Variants in ZDHHC20 observed in about 807,000 individuals in gnomAD.
ZDHHC20 encodes palmitoyltransferase ZDHHC20.
In ZDHHC20, 43 loss-of-function variants were observed where a neutral mutation model predicts 57.8. The ratio of observed to expected loss-of-function variants is 0.74; its 90% CI spans 0.58 to 0.96. The LOEUF is 0.96. ZDHHC20 is among the 40% of genes least tolerant of loss of function. ZDHHC20 has a pLI of 0.00. For missense variants in ZDHHC20, 391 were observed against 441.1 expected (o/e 0.89, Z 1.02); for synonymous variants, 157 against 153.0 (o/e 1.03, Z -0.19).
intron 1 of ZDHHC20, among the ~76,000 whole-genome samples, chr13:21,430,105 T>C (rs1881738856): frequency 6.6e-6 from 1 of 152,226 alleles, no homozygotes; most frequent in African/African-American, 2.4e-5. Context: ...CTCATTTAGT[T>C]TTCCTGGTTC....
intron 1 of ZDHHC20, among the ~76,000 whole-genome samples, chr13:21,428,014 C>T (rs1881476697): frequency 6.6e-6 from 1 of 152,030 alleles, no homozygotes; most frequent in African/African-American, 2.4e-5. Context: ...CATAGTTCCT[C>T]CTAGGTTTTT....
At chr13:21,423,551 G>A (rs1028322862) in intron 2 of ZDHHC20, among the ~76,000 whole-genome samples, 2 of 152,032 alleles carry the variant, frequency 1.3e-5, no homozygotes, top group African/African-American at 2.4e-5. Flanking sequence ...GTGCACACTT[G>A]TAATCTCAGC....
intron 11 of ZDHHC20, among the ~76,000 whole-genome samples, chr13:21,379,566 G>C (rs1001869947): frequency 6.6e-6 from 1 of 151,974 alleles, no homozygotes; most frequent in Admixed American, 6.6e-5. Context: ...ACAGGTGTGA[G>C]CCACTGTGCC....
intron 3 of ZDHHC20, among the ~76,000 whole-genome samples, chr13:21,419,096 T>C (rs957366532): frequency 2.0e-5 from 3 of 152,210 alleles, no homozygotes; most frequent in Non-Finnish European, 2.9e-5. Context: ...ATGTTTTCAA[T>C]AGTCATCACT....
chr13:21,392,346 C>T (rs1875884130), intron 7 of ZDHHC20, among the ~76,000 whole-genome samples: 2 of 150,266 alleles, frequency 1.3e-5, no homozygotes, highest in Admixed American at 6.6e-5. Context: ...TATAAGCTCC[C>T]CATATCTATA....
chr13:21,406,130 G>A (rs1224866831), intron 4 of ZDHHC20, among the ~76,000 whole-genome samples: 1 of 152,180 alleles, frequency 6.6e-6, no homozygotes, highest in African/African-American at 2.4e-5. Flanking sequence ...CCCCCTGGCA[G>A]CCATAAACCC....
At position 21,413,761 on chromosome 13, in the gene ZDHHC20, G is replaced by T. The variant is rs1483876052; in HGVS notation, c.261C>A (p.Ser87=). The T allele has an allele frequency of 1.9e-6, 3 of 1,608,100 alleles. No individual in the cohort carries two copies. Among genetic ancestry groups the T allele is most frequent in the Non-Finnish European group, 2.5e-6 (3 of 1,177,326 alleles). The change falls in exon 4 of 13, where the codon TCC becomes TCA. Residue 87 remains serine (S), a synonymous_variant. Coordinates refer to ENST00000400590, the MANE Select transcript of ZDHHC20 (RefSeq NM_001330059.2). ...TTTCATAACGTTCCTTTTCAGAATT[G>T]GACAAGTAGAACTATAAAAGGAAAG... ...PASPSKEFYL[S]NSEKERYEKE...
intron 1 of ZDHHC20, among the ~76,000 whole-genome samples, chr13:21,453,027 G>C (rs866302987): frequency 6.6e-6 from 1 of 152,138 alleles, no homozygotes; most frequent in South Asian, 2.1e-4. Context: ...TTAAAAGGCA[G>C]AGATTTTCAG....
intron 8 of ZDHHC20, among the ~76,000 whole-genome samples, chr13:21,390,715 C>G (rs137867391): frequency 6.6e-6 from 1 of 151,920 alleles, no homozygotes; most frequent in Admixed American, 6.6e-5. Context: ...GCCTGGGCAA[C>G]GTAGCAAGAC....
intron 1 of ZDHHC20, among the ~76,000 whole-genome samples, chr13:21,438,027 A>T (rs1489251207): frequency 2.0e-5 from 3 of 152,186 alleles, no homozygotes; most frequent in African/African-American, 7.2e-5. Context: ...GTTGAGACCT[A>T]CTGCTCAGAA....
chr13:21,445,268 C>T (rs9316375), intron 1 of ZDHHC20, among the ~76,000 whole-genome samples: 26,343 of 152,012 alleles, frequency 0.17, 2,746 homozygotes, highest in Non-Finnish European at 0.25. Flanking sequence ...GCAAAACTTA[C>T]AGAGTTACAC....
Position 21,441,546 on chromosome 13 carries a change from C to T in ZDHHC20, c.119-15868G>A, listed in dbSNP as rs868737730. Reference sequence around the variant, plus strand: ...GACTACAGGCGCCCGCCACCACGCCCGGCTTTTTTTTTTTTTTTTTTTTTT... The same window carrying T: ...GACTACAGGCGCCCGCCACCACGCCTGGCTTTTTTTTTTTTTTTTTTTTTT... On this transcript the variant is annotated intron_variant, in intron 1 of 12. Transcript: ENST00000400590. 3.2e-3 allele frequency among the ~76,000 whole-genome samples: 421 copies of T among 133,646 alleles called. 9 individuals are homozygous for T. The highest frequency in any genetic ancestry group is 7.0e-3 in the Admixed American group (84 of 12,030). The allele number at this position is 133,646 out of a possible 152,430, so 87.7% of individuals were successfully genotyped here.
intron 1 of ZDHHC20, among the ~76,000 whole-genome samples, chr13:21,457,749 C>T (rs1166206007): frequency 6.6e-6 from 1 of 152,176 alleles, no homozygotes; most frequent in East Asian, 1.9e-4. Flanking sequence ...TAACCAAATA[C>T]TTGGTTGAAA....
rs1877544523 is a variant in ZDHHC20, at chr13:21,401,001, A to AG, written c.474-509dup. ...TAATTAAAAAAAATAAATTGGGCCG[A>AG]GTGCAGTGGCTCATGCCTGTAATCC... On this transcript the variant is annotated intron_variant, in intron 6 of 12. Transcript: ENST00000400590. Among the ~76,000 whole-genome samples the AG allele has an allele frequency of 5.3e-5, 8 of 152,214 alleles. No individual in the cohort carries two copies. In the South Asian group the frequency reaches 1.7e-3, roughly 32 times the overall value.
intron 12 of ZDHHC20, 41 bp downstream of exon 12, chr13:21,378,620 T>A: frequency 8.8e-7 from 1 of 1,138,440 alleles, no homozygotes; most frequent in Non-Finnish European, 1.2e-6. Context: ...AATATGCAAA[T>A]AAGCTGCATT....
At chr13:21,450,009 T>C (rs1279289356) in intron 1 of ZDHHC20, among the ~76,000 whole-genome samples, 2 of 152,062 alleles carry the variant, frequency 1.3e-5, no homozygotes, top group Non-Finnish European at 2.9e-5. Context: ...AGTGTAACAG[T>C]TGCAGTAGTA....
chr13:21,390,443 CAAAA>C (rs942231750), intron 8 of ZDHHC20, among the ~76,000 whole-genome samples: 1 of 151,856 alleles, frequency 6.6e-6, no homozygotes. Flanking sequence ...AATGAGCAAA[CAAAA>C]AGAGAAATAA....
Position 21,451,757 on chromosome 13 carries a change from AG to A in ZDHHC20, c.118+7296del, listed in dbSNP as rs1445212008. On this transcript the variant is annotated intron_variant, in intron 1 of 12. Transcript: ENST00000400590. ...GAAACCCCAGCACTTTGGGAGGCTG[AG>A]GCAGGTGGATCACCTGAGGTCAGGA... is the stretch of plus-strand genomic sequence containing the variant. Among the ~76,000 whole-genome samples the A allele has an allele frequency of 1.4e-4, 21 of 152,144 alleles. 1 individual carries two copies. The highest frequency in any genetic ancestry group is 1.4e-3 in the Admixed American group (21 of 15,270).
chr13:21,457,647 T>C (rs1188603336), intron 1 of ZDHHC20, among the ~76,000 whole-genome samples: 1 of 152,186 alleles, frequency 6.6e-6, no homozygotes, highest in Non-Finnish European at 1.5e-5. Flanking sequence ...GTTCTATAGG[T>C]ACAAAGTAAT....
Sources: gnomAD v4.1 joint callset for allele counts (sites outside exome capture counted in the v4.1 genomes callset) on GRCh38, gnomAD v4.1.1 for gene constraint, MANE v1.5 for transcripts, NCBI Gene and HGNC (gene_info 2026-07-23, HGNC 2026-07-21) for gene names.